The following FAM83G variants were observed in gnomAD, a reference collection of about 807,000 sequenced individuals.
FAM83G encodes the protein protein FAM83G.
In FAM83G, 38 loss-of-function variants were observed where a neutral mutation model predicts 61.5. The observed-to-expected ratio is 0.62, with a 90% CI of 0.48 to 0.81. The LOEUF (loss-of-function observed/expected upper bound fraction) is 0.81. FAM83G is among the 30% of genes least tolerant of loss of function. FAM83G has a pLI of 0.00. For missense variants in FAM83G, 989 were observed against 1,133.6 expected (o/e 0.87, Z 1.83); for synonymous variants, 470 against 476.1 (o/e 0.99, Z 0.17).
At chr17:18,987,662 C>T (rs995051775) in intron 3 of FAM83G, among the ~76,000 whole-genome samples, 8 of 152,238 alleles carry the variant, frequency 5.3e-5, no homozygotes, top group Non-Finnish European at 1.2e-4. Context: ...ACTTCTGTTC[C>T]ATGGTTTCCC....
chr17:18,986,743 ACG>A (rs751458385), intron 3 of FAM83G, among the ~76,000 whole-genome samples: 3 of 152,198 alleles, frequency 2.0e-5, no homozygotes, highest in Non-Finnish European at 2.9e-5. Context: ...TTGCGTCTGC[ACG>A]CTGGGGGAAG....
chr17:18,979,809 G>A, intron 3 of FAM83G, 136 bp from the exon 4 acceptor site: 1 of 965,624 alleles, frequency 1.0e-6, no homozygotes, highest in Non-Finnish European at 1.6e-6. Flanking sequence ...TGTAAGGCCT[G>A]GAGAAAGGGG....
rs1267324017 is a variant in FAM83G at position 19,003,998 on chromosome 17, T to G, written c.44A>C (p.Asn15Thr). 1.9e-6 allele frequency: 3 copies of G among 1,611,734 alleles called. No homozygotes were observed. Among genetic ancestry groups the G allele is most frequent in the Non-Finnish European group, 2.5e-6 (3 of 1,179,272 alleles). ...QVQCLDDNHV[N>T]WRSSESKPEF... ...AGGCTTGGACTCGCTGGAGCGCCAG[T>G]TCACATGGTTGTCGTCCAGACACTG... Residue 15 changes from asparagine to threonine, a missense_variant, in exon 2 of 6, where the codon AAC becomes ACC. Coordinates refer to ENST00000388995, the MANE Select transcript of FAM83G (RefSeq NM_001039999.3). This position sits in a 1 kb window ranked among gnomAD's most constrained non-coding sequence, Gnocchi z 4.5.
chr17:19,000,394 G>C lies in FAM83G; in HGVS notation c.522+3126C>G, dbSNP rs1418138943. 2.0e-5 allele frequency among the ~76,000 whole-genome samples: 3 copies of C among 152,204 alleles called. No homozygotes were observed. The highest frequency in any genetic ancestry group is 6.5e-5 in the Admixed American group (1 of 15,278). ...AGATGGGATGACCGGGGCTTGGAGA[G>C]GAGCTGGGGCTTGTTCCAGGTCCCA... On this transcript the variant is annotated intron_variant, in intron 2 of 5. Transcript: ENST00000388995. This position sits in a 1 kb window ranked among gnomAD's most constrained non-coding sequence, Gnocchi z 5.2.
At chr17:18,977,356 T>G (rs2043005529) in intron 5 of FAM83G, 1 of 589,780 alleles carries the variant, frequency 1.7e-6, no homozygotes, top group Admixed American at 3.4e-5. Context: ...TTTCTTAGGT[T>G]GCCTTTTCAG....
Position 19,003,748 on chromosome 17 carries a change from G to A in FAM83G, c.294C>T (p.Gly98=). The change falls in exon 2 of 6, where the codon GGC becomes GGT. Residue 98 remains glycine (G), a synonymous_variant. Transcript: ENST00000388995. This position sits in a 1 kb window ranked among gnomAD's most constrained non-coding sequence, Gnocchi z 4.5. The stretch of plus-strand genomic sequence containing the variant: ...CCCCATCCGCCCCGCTGGCTTCCTC[G>A]CCGTCGCCGACCCCATTGTCCTCGG... The part of the protein sequence containing the change: ...QGPEDNGVGD[G]EEASGADGVP... The A allele has an allele frequency of 6.2e-7, 1 of 1,605,196 alleles. No individual in the cohort carries two copies. Among genetic ancestry groups the A allele is most frequent in the Non-Finnish European group, 8.5e-7 (1 of 1,175,908 alleles).
In FAM83G at chr17:18,969,774, A is replaced by C; in HGVS notation, c.*1585T>G. ...AAGGCACACAACCAGGAGGCCATAAAACTGCCTGGGCAGCTCCTCCAATTG... is the reference window on the plus strand; with the variant it reads ...AAGGCACACAACCAGGAGGCCATAACACTGCCTGGGCAGCTCCTCCAATTG... On this transcript the variant is annotated 3_prime_UTR_variant, in exon 6 of 6. Coordinates refer to ENST00000388995, the MANE Select transcript of FAM83G (RefSeq NM_001039999.3). The C allele has an allele frequency of 3.8e-6, 1 of 261,828 alleles. No homozygotes were observed. The highest frequency in any genetic ancestry group is 7.2e-6 in the Non-Finnish European group (1 of 137,970). The allele number at this position is 261,828 out of a possible 1,614,324, so 16.2% of individuals were successfully genotyped here. A position where few individuals can be genotyped will look rare whatever the true frequency, so the allele number is the denominator to read the frequency against.
rs1205068462 is a variant in FAM83G, at chr17:18,978,997, T to C, written c.816-147A>G. The C allele has an allele frequency of 4.5e-6, 4 of 885,492 alleles. No homozygotes were observed. In the East Asian group the frequency reaches 1.1e-4, roughly 23 times the overall value. The allele number at this position is 885,492 out of a possible 1,614,324, so 54.9% of individuals were successfully genotyped here. ...ATGGGGGCAGAGAGCAGGTGCATAC[T>C]GTGGGGTCAGACTGAGTCGGATGTC... On this transcript the variant is annotated intron_variant, in intron 4 of 5. Coordinates refer to ENST00000388995, the MANE Select transcript of FAM83G (RefSeq NM_001039999.3).
chr17:18,977,529 G>T, intron 5 of FAM83G, 55 bp downstream of exon 5: 1 of 1,529,526 alleles, frequency 6.5e-7, no homozygotes. Context: ...TCGAGCTCTT[G>T]GGTGGCTGGC....
rs80076342 is a variant in FAM83G, at chr17:19,000,101, C to G, written c.522+3419G>C. On this transcript the variant is annotated intron_variant, in intron 2 of 5. Coordinates refer to ENST00000388995, the MANE Select transcript of FAM83G (RefSeq NM_001039999.3). The surrounding 1 kb of genome is among the most constrained non-coding windows in gnomAD (Gnocchi z 5.2). ...CCTCCCAGGCGTGATCTTACAAGCCCGTCCTCTGGTATGTAGTTGGAACCC... is the reference window on the plus strand; with the variant it reads ...CCTCCCAGGCGTGATCTTACAAGCCGGTCCTCTGGTATGTAGTTGGAACCC... Among the ~76,000 whole-genome samples, 1 of 152,354 alleles carries G rather than the reference C, an allele frequency of 6.6e-6. No homozygotes were observed. The highest frequency in any genetic ancestry group is 1.9e-4 in the East Asian group (1 of 5,182).
chr17:18,977,551 C>T (rs146085023), intron 5 of FAM83G, 33 bp downstream of exon 5: 108 of 1,584,842 alleles, frequency 6.8e-5, no homozygotes, highest in Non-Finnish European at 8.7e-5. Context: ...GGGAGGGACT[C>T]GTGACCCCTG....
At position 18,970,448 on chromosome 17, in the gene FAM83G, C is replaced by A. The variant is rs2152000910; in HGVS notation, c.*911G>T. ...TGTTTTGGACTGGAGAGGAAAAAGC[C>A]CCGGCTTGAGCCCGCCAGATGGTCT... On this transcript the variant is annotated 3_prime_UTR_variant, in exon 6 of 6. Coordinates refer to ENST00000388995, the MANE Select transcript of FAM83G (RefSeq NM_001039999.3). 1 of 157,294 alleles carries A rather than the reference C, an allele frequency of 6.4e-6. No individual in the cohort carries two copies. The highest frequency in any genetic ancestry group is 1.9e-4 in the South Asian group (1 of 5,324). 9.7% of individuals were successfully genotyped at this position (157,294 alleles called of 1,614,324 possible).
intron 3 of FAM83G, among the ~76,000 whole-genome samples, chr17:18,983,985 C>T (rs2043200685): frequency 6.6e-6 from 1 of 152,178 alleles, no homozygotes. Context: ...GCTGGTAGTA[C>T]CCCCAAGGTG....
At chr17:18,990,856 T>C (rs1825073824) in intron 2 of FAM83G, among the ~76,000 whole-genome samples, 1 of 152,138 alleles carries the variant, frequency 6.6e-6, no homozygotes, top group Non-Finnish European at 1.5e-5. Context: ...AAAGGTTTCT[T>C]GGGGGCCCTT....
At chr17:18,984,073 T>C (rs1360377396) in intron 3 of FAM83G, among the ~76,000 whole-genome samples, 1 of 152,178 alleles carries the variant, frequency 6.6e-6, no homozygotes, top group Non-Finnish European at 1.5e-5. Flanking sequence ...CCGGGCGCGG[T>C]GGCTCACGCC....
chr17:18,969,455 G>A lies in FAM83G; in HGVS notation c.*1904C>T. 1 of 1,595,750 alleles carries A rather than the reference G, an allele frequency of 6.3e-7. No homozygotes were observed. The highest frequency in any genetic ancestry group is 1.1e-5 in the South Asian group (1 of 90,540). On this transcript the variant is annotated 3_prime_UTR_variant, in exon 6 of 6. Coordinates refer to ENST00000388995, the MANE Select transcript of FAM83G (RefSeq NM_001039999.3). ...CAGAGTCTGTGGCCATGGCGGGGCT[G>A]TCCCCACAGCGAGCCCTTTGGAGTC...
chr17:18,969,022 AG>A lies in FAM83G; in HGVS notation c.*2336del, dbSNP rs1293061521. 6.3e-7 allele frequency: 1 copy of A among 1,593,580 alleles called. No individual in the cohort carries two copies. Among genetic ancestry groups the A allele is most frequent in the Non-Finnish European group, 8.5e-7 (1 of 1,170,026 alleles). ...GGCTTGCTGGAGCCCTGGGAATAAC[AG>A]TCCCACACAAGGCTCTCTCCCTCCG... On this transcript the variant is annotated 3_prime_UTR_variant, in exon 6 of 6. Coordinates refer to ENST00000388995, the MANE Select transcript of FAM83G (RefSeq NM_001039999.3).
At chr17:19,002,851 G>T (rs2043766003) in intron 2 of FAM83G, among the ~76,000 whole-genome samples, 1 of 152,104 alleles carries the variant, frequency 6.6e-6, no homozygotes, top group Non-Finnish European at 1.5e-5. Flanking sequence ...AAGGCTTGAG[G>T]TCCCTTCCGG....
upstream of FAM83G, among the ~76,000 whole-genome samples, chr17:19,005,076 G>T (rs1011228255): frequency 1.3e-5 from 2 of 152,208 alleles, no homozygotes; most frequent in East Asian, 3.8e-4. Flanking sequence ...ATCAACCCTG[G>T]CTGTGCCCAG....
Sources: gnomAD v4.1 joint callset for allele counts (sites outside exome capture counted in the v4.1 genomes callset) on GRCh38, gnomAD v4.1.1 for gene constraint, Gnocchi (gnomAD v3.1) non-coding constraint, MANE v1.5 for transcripts, NCBI Gene and HGNC (gene_info 2026-07-23, HGNC 2026-07-21) for gene names.